The following TMEM266 variants were observed in gnomAD, a reference collection of about 807,000 sequenced individuals.
TMEM266 encodes transmembrane protein 266.
A neutral mutation model predicts 50.5 loss-of-function variants in TMEM266; 33 were observed. The ratio of observed to expected loss-of-function variants is 0.65; its 90% CI spans 0.50 to 0.87. TMEM266 has a LOEUF of 0.87. TMEM266 is among the 40% of genes least tolerant of loss of function. TMEM266 has a pLI of 0.00. For synonymous variants in TMEM266, 310 were observed against 292.3 expected, an observed-to-expected ratio of 1.06 and a Z score of -0.62; for missense variants, 655 against 695.1, an observed-to-expected ratio of 0.94 and a Z score of 0.65.
chr15:76,176,683 T>A (rs12591629), intron 8 of TMEM266, among the ~76,000 whole-genome samples: 23,212 of 152,194 alleles, frequency 0.15, 2,388 homozygotes, highest in Admixed American at 0.27. Flanking sequence ...TTCCAGCCCA[T>A]GTCCTGCCAG....
intron 1 of TMEM266, among the ~76,000 whole-genome samples, chr15:76,101,968 T>G (rs2037007766): frequency 6.6e-6 from 1 of 152,192 alleles, no homozygotes; most frequent in Non-Finnish European, 1.5e-5. Context: ...ATTAGGGGTG[T>G]GCCTTCCTCC....
intron 1 of TMEM266, among the ~76,000 whole-genome samples, chr15:76,066,640 T>TA (rs111952608): frequency 0.023 from 3,190 of 136,300 alleles, 83 homozygotes; most frequent in African/African-American, 0.066. Context: ...GCTGCCTACT[T>TA]AAAAAAAAAA....
At position 76,115,841 on chromosome 15, in the gene TMEM266, A is replaced by T. The variant is rs577178322; in HGVS notation, c.-96-18327A>T. The stretch of plus-strand genomic sequence containing the variant: ...GTCCATCTACCCATGTGCAGCCAGG[A>T]TGCAGCTATGTGACCTCTGCCAACC... On this transcript the variant is annotated intron_variant, in intron 1 of 10. Transcript: ENST00000388942. 6.6e-5 allele frequency among the ~76,000 whole-genome samples: 10 copies of T among 152,262 alleles called. No homozygotes were observed. In the East Asian group the frequency reaches 1.2e-3, roughly 18 times the overall value.
chr15:76,150,843 G>A (rs1044520623), intron 3 of TMEM266, among the ~76,000 whole-genome samples: 17 of 152,176 alleles, frequency 1.1e-4, no homozygotes, highest in African/African-American at 3.9e-4. Context: ...AGCCTCTGCC[G>A]GAAGTTTGTC....
At chr15:76,106,285 T>C (rs909548038) in intron 1 of TMEM266, among the ~76,000 whole-genome samples, 1 of 152,232 alleles carries the variant, frequency 6.6e-6, no homozygotes, top group Non-Finnish European at 1.5e-5. Flanking sequence ...TCCCTACCCG[T>C]GTCATATTCA....
intron 3 of TMEM266, among the ~76,000 whole-genome samples, chr15:76,150,925 C>T (rs1341687883): frequency 6.6e-6 from 1 of 152,212 alleles, no homozygotes; most frequent in Non-Finnish European, 1.5e-5. Context: ...GAAGCAGAAG[C>T]AGTGAAGGTA....
intron 1 of TMEM266, among the ~76,000 whole-genome samples, chr15:76,084,588 G>GT (rs1250788444): frequency 2.2e-5 from 3 of 134,452 alleles, no homozygotes; most frequent in South Asian, 2.2e-4. Context: ...AGAGATGAGG[G>GT]TTTTTTTTGG....
chr15:76,192,225 C>T (rs2038587341), intron 9 of TMEM266, 68 bp downstream of exon 9: 5 of 1,351,564 alleles, frequency 3.7e-6, no homozygotes, highest in Non-Finnish European at 2.9e-6. Context: ...CCCTCTCGCG[C>T]CCCGGGACTG....
chr15:76,154,880 G>T (rs2037901265), intron 3 of TMEM266, among the ~76,000 whole-genome samples: 2 of 152,242 alleles, frequency 1.3e-5, no homozygotes, highest in African/African-American at 4.8e-5. Context: ...TCCCTGGATG[G>T]ACTGTGAGGA....
intron 9 of TMEM266, among the ~76,000 whole-genome samples, chr15:76,199,069 G>A (rs1156473175): frequency 6.6e-6 from 1 of 152,220 alleles, no homozygotes; most frequent in Admixed American, 6.5e-5. Context: ...AGTCCAAAGG[G>A]TAAACCATGA....
intron 1 of TMEM266, among the ~76,000 whole-genome samples, chr15:76,114,610 A>C (rs2955763): frequency 0.4 from 61,038 of 152,066 alleles, 13,292 homozygotes; most frequent in East Asian, 0.6. Flanking sequence ...ACTTTTAGAA[A>C]CTACTTTTTC....
chr15:76,133,982 T>A (rs1239384466), intron 1 of TMEM266, among the ~76,000 whole-genome samples, 186 bp from the exon 2 acceptor site: 1 of 152,168 alleles, frequency 6.6e-6, no homozygotes, highest in African/African-American at 2.4e-5. Flanking sequence ...CCTTGTTTCC[T>A]CATCTAAAAA....
At chr15:76,169,283 G>A (rs1219298333) in intron 5 of TMEM266, among the ~76,000 whole-genome samples, 2 of 152,106 alleles carry the variant, frequency 1.3e-5, no homozygotes, top group African/African-American at 4.8e-5. Context: ...TCTTTAGTTG[G>A]GTGGCCATGC....
intron 3 of TMEM266, among the ~76,000 whole-genome samples, chr15:76,143,613 C>G (rs2037714220): frequency 6.6e-6 from 1 of 152,226 alleles, no homozygotes; most frequent in Non-Finnish European, 1.5e-5. Context: ...GCCTCGGCCT[C>G]CCGGAGTGCT....
rs182742684 is a variant in TMEM266, at chr15:76,101,114, G to A, written c.-96-33054G>A. On this transcript the variant is annotated intron_variant, in intron 1 of 10. Transcript: ENST00000388942. The stretch of plus-strand genomic sequence containing the variant: ...TGGCACAGATTCTTTTTGGATGTTA[G>A]TAGATGATGGCTGGGTGAATGGAAG... Among the ~76,000 whole-genome samples, 472 of 151,952 alleles carry A rather than the reference G, an allele frequency of 3.1e-3. 5 individuals are homozygous for A. The highest frequency in any genetic ancestry group is 0.011 in the African/African-American group (447 of 41,422).
intron 1 of TMEM266, among the ~76,000 whole-genome samples, chr15:76,076,140 G>A (rs1355526577): frequency 2.6e-5 from 4 of 151,854 alleles, no homozygotes; most frequent in African/African-American, 9.7e-5. Flanking sequence ...TTACAGGCAT[G>A]AGCCACTGTG....
chr15:76,080,518 G>A (rs935087468), intron 1 of TMEM266, among the ~76,000 whole-genome samples: 11 of 151,454 alleles, frequency 7.3e-5, no homozygotes, highest in African/African-American at 2.7e-4. Flanking sequence ...CAAAGTGCTG[G>A]GATTACAGGC....
chr15:76,144,904 C>T (rs535496378), intron 3 of TMEM266, among the ~76,000 whole-genome samples: 1 of 152,340 alleles, frequency 6.6e-6, no homozygotes, highest in South Asian at 2.1e-4. Flanking sequence ...ATGTCTTCTC[C>T]TTCATGCCTC....
chr15:76,157,023 A>T (rs551041236), intron 4 of TMEM266, among the ~76,000 whole-genome samples: 1 of 152,268 alleles, frequency 6.6e-6, no homozygotes, highest in Admixed American at 6.5e-5. Context: ...CCATGATCAG[A>T]AACTGATGAG....
Sources: allele counts gnomAD v4.1 joint callset (sites outside exome capture counted in the v4.1 genomes callset), GRCh38; gene constraint gnomAD v4.1.1; transcripts MANE v1.5; gene names NCBI Gene and HGNC (gene_info 2026-07-23, HGNC 2026-07-21).